The following DYRK4 variants were observed in gnomAD, a reference collection of about 807,000 sequenced individuals.
The protein encoded by DYRK4 is dual specificity tyrosine phosphorylation regulated kinase 4.
In DYRK4, 64 loss-of-function variants were observed where a neutral mutation model predicts 68.3. The observed-to-expected ratio is 0.94, with a 90% CI of 0.77 to 1.15. The LOEUF is 1.15. Ranked by LOEUF, DYRK4 falls within the 50% of genes most tolerant of loss-of-function variation. DYRK4 has a pLI of 0.00. For missense variants in DYRK4, 740 were observed against 764.7 expected, an observed-to-expected ratio of 0.97 and a Z score of 0.38; for synonymous variants, 274 against 289.9, an observed-to-expected ratio of 0.95 and a Z score of 0.56.
intron 6 of DYRK4, among the ~76,000 whole-genome samples, chr12:4,593,971 T>C (rs542324480): frequency 6.6e-6 from 1 of 152,332 alleles, no homozygotes; most frequent in African/African-American, 2.4e-5. Flanking sequence ...AAAATGCAGG[T>C]TCTTATCCAG....
intron 12 of DYRK4, among the ~76,000 whole-genome samples, chr12:4,608,426 C>T (rs911459691): frequency 1.3e-5 from 2 of 152,168 alleles, no homozygotes; most frequent in African/African-American, 4.8e-5. Flanking sequence ...TCACAACTTG[C>T]TCCATCAGTA....
Position 4,593,181 on chromosome 12 carries a change from G to A in DYRK4, c.627+16G>A, listed in dbSNP as rs879096470. 6.2e-7 allele frequency: 1 copy of A among 1,611,960 alleles called. No individual in the cohort carries two copies. Among genetic ancestry groups the A allele is most frequent in the Non-Finnish European group, 8.5e-7 (1 of 1,179,262 alleles). ...CTATCTGAAGGTGATGGGGGTGGGG[G>A]CCATGGGAACCTGCAGGGGCCCAGG... On this transcript the variant is annotated intron_variant, in intron 6 of 14. Transcript: ENST00000543431.
chr12:4,593,107 C>T lies in DYRK4; in HGVS notation c.569C>T (p.Thr190Met), dbSNP rs767760845. ...GGTCTTGAAGCCAAGAAGCTCGACACGGCTCCTGAGAAATTTAGCAAGACG... is the reference window on the plus strand; with the variant it reads ...GGTCTTGAAGCCAAGAAGCTCGACATGGCTCCTGAGAAATTTAGCAAGACG... ...FLGLEAKKLD[T>M]APEKFSKTSF... Residue 190 changes from threonine (T) to methionine (M), a missense_variant, in exon 6 of 15, where the codon ACG becomes ATG. By Grantham distance (81) the Thr-to-Met change is moderately conservative. This residue lies in a region of DYRK4 where 614 missense variants were observed against 603.7 expected (regional missense o/e 1.02). Coordinates refer to ENST00000543431, the MANE Select transcript of DYRK4 (RefSeq NM_001394779.1). 19 of 1,614,024 alleles carry T rather than the reference C, an allele frequency of 1.2e-5. No individual in the cohort carries two copies. Among genetic ancestry groups the T allele is most frequent in the South Asian group, 9.9e-5 (9 of 91,082 alleles).
rs144247380 is a variant in DYRK4, at chr12:4,565,496, G to A, written c.39-2459G>A. On this transcript the variant is annotated intron_variant, in intron 1 of 14. Transcript: ENST00000543431. ...CTCATTCAAAATCATGGCACTGTGT[G>A]TTAGGTGGCATTGTGACGAGGCTCC... Among the ~76,000 whole-genome samples the A allele has an allele frequency of 2.1e-3, 319 of 152,326 alleles. 3 individuals carry two copies. Among genetic ancestry groups the A allele is most frequent in the African/African-American group, 7.4e-3 (309 of 41,562 alleles).
chr12:4,606,508 C>T (rs1201748349), intron 11 of DYRK4, among the ~76,000 whole-genome samples: 5 of 152,234 alleles, frequency 3.3e-5, no homozygotes, highest in South Asian at 4.1e-4. Flanking sequence ...CACTGGCCTG[C>T]GAGTCATTAA....
At chr12:4,596,539 A>C in intron 7 of DYRK4, 50 bp from the exon 8 acceptor site, 1 of 1,596,168 alleles carries the variant, frequency 6.3e-7, no homozygotes, top group South Asian at 1.1e-5. Context: ...CCTGACACTG[A>C]TGTTTCTATC....
chr12:4,602,289 GC>G lies in DYRK4; in HGVS notation c.1126+2503del, dbSNP rs1945090123. 3.0e-6 allele frequency: 3 copies of G among 1,004,514 alleles called. No homozygotes were observed. In the South Asian group the frequency reaches 3.8e-5, roughly 13 times the overall value. 62.2% of individuals were successfully genotyped at this position (1,004,514 alleles called of 1,614,324 possible). ...TTTGCAACCATGCTTTAAATACTAT[GC>G]CATTCTCCCTCTTTTTTTCTTCCTC... is the stretch of plus-strand genomic sequence containing the variant. On this transcript the variant is annotated intron_variant, in intron 10 of 14. Coordinates refer to ENST00000543431, the MANE Select transcript of DYRK4 (RefSeq NM_001394779.1).
intron 6 of DYRK4, among the ~76,000 whole-genome samples, chr12:4,594,747 G>GGAC (rs1944997907): frequency 6.6e-6 from 1 of 151,722 alleles, no homozygotes; most frequent in African/African-American, 2.4e-5. Context: ...GGGAAGAAAG[G>GGAC]GACAATGTGT....
At chr12:4,607,817 C>T (rs1201680728) in intron 12 of DYRK4, among the ~76,000 whole-genome samples, 1 of 152,190 alleles carries the variant, frequency 6.6e-6, no homozygotes, top group Non-Finnish European at 1.5e-5. Flanking sequence ...ATTGTTTCCC[C>T]TGCTAAAATT....
At chr12:4,602,425 A>G (rs1565541041) in intron 10 of DYRK4, 2 of 994,806 alleles carry the variant, frequency 2.0e-6, no homozygotes, top group Non-Finnish European at 3.2e-6. Context: ...GTCACTGATG[A>G]GATATGTGCA....
At chr12:4,598,001 G>A (rs1945037927) in intron 8 of DYRK4, among the ~76,000 whole-genome samples, 1 of 152,210 alleles carries the variant, frequency 6.6e-6, no homozygotes, top group Admixed American at 6.5e-5. Context: ...GGGAGGCAGA[G>A]GTTGCAGTGA....
rs1945020830 is a variant in DYRK4, at chr12:4,596,585, T to C, written c.765-4T>C. The C allele has an allele frequency of 6.2e-7, 1 of 1,613,240 alleles. No individual in the cohort carries two copies. The highest frequency in any genetic ancestry group is 8.5e-7 in the Non-Finnish European group (1 of 1,179,814). On this transcript the variant is annotated splice_region_variant and splice_polypyrimidine_tract_variant and intron_variant, in intron 7 of 14. Coordinates refer to ENST00000543431, the MANE Select transcript of DYRK4 (RefSeq NM_001394779.1). ...ACCCTGCCGGCCACTCCCAATCACC[T>C]TAGGTTTCACCAGCAGGCCCTGATG...
Position 4,591,458 on chromosome 12 carries a change from C to A in DYRK4, c.463+160C>A. On this transcript the variant is annotated intron_variant, in intron 5 of 14. Transcript: ENST00000543431. The surrounding 1 kb of genome is among the most constrained non-coding windows in gnomAD (Gnocchi z 4.1). ...TAGAAGTTAAGCGTTGAACCTCTGA[C>A]TGTGGTAGTATAAGCAAGAGGCTGA... is the stretch of plus-strand genomic sequence containing the variant. The A allele has an allele frequency of 1.9e-6, 2 of 1,041,126 alleles. No homozygotes were observed. The highest frequency in any genetic ancestry group is 2.7e-6 in the Non-Finnish European group (2 of 738,172). 64.5% of individuals were successfully genotyped at this position (1,041,126 alleles called of 1,614,324 possible). A position where few individuals can be genotyped will look rare whatever the true frequency, so the allele number is the denominator to read the frequency against.
chr12:4,574,995 T>C (rs1944772524), intron 2 of DYRK4, among the ~76,000 whole-genome samples: 1 of 152,146 alleles, frequency 6.6e-6, no homozygotes, highest in South Asian at 2.1e-4. Flanking sequence ...GCAGGGATCA[T>C]AGGCGTGAGC....
At chr12:4,602,512 G>A (rs1945092997) in intron 10 of DYRK4, 14 of 1,303,500 alleles carry the variant, frequency 1.1e-5, no homozygotes, top group South Asian at 4.7e-5. Flanking sequence ...TCTTGCGGTT[G>A]AGTGGTGGGA....
intron 1 of DYRK4, among the ~76,000 whole-genome samples, chr12:4,564,905 T>C (rs1246864357): frequency 6.6e-6 from 1 of 152,124 alleles, no homozygotes; most frequent in Admixed American, 6.6e-5. Flanking sequence ...CCTAAGATAA[T>C]TAAATGACAC....
At chr12:4,580,811 A>G (rs74060048) in intron 2 of DYRK4, 1 of 440,504 alleles carries the variant, frequency 2.3e-6, no homozygotes, top group East Asian at 7.0e-5. Context: ...TTTTTTTTTT[A>G]AATGGGAAAC....
At chr12:4,587,321 T>C (rs925150808) in intron 2 of DYRK4, among the ~76,000 whole-genome samples, 3 of 152,078 alleles carry the variant, frequency 2.0e-5, no homozygotes, top group African/African-American at 7.2e-5. Flanking sequence ...AGACCAAGCC[T>C]CACCCATTCA....
Position 4,613,499 on chromosome 12 carries a change from C to T in DYRK4, c.1667-16C>T. 1 of 1,599,846 alleles carries T rather than the reference C, an allele frequency of 6.3e-7. No individual in the cohort carries two copies. Among genetic ancestry groups the T allele is most frequent in the Non-Finnish European group, 8.6e-7 (1 of 1,169,004 alleles). On this transcript the variant is annotated splice_polypyrimidine_tract_variant and intron_variant, in intron 14 of 14. Transcript: ENST00000543431. This position sits in a 1 kb window ranked among gnomAD's most constrained non-coding sequence, Gnocchi z 4.0. ...TTTGAATCTTGTTCCCTTCTGTCTT[C>T]TCTCTCCTTTAGCAGATGAGATCAC...
Sources: allele counts gnomAD v4.1 joint callset (sites outside exome capture counted in the v4.1 genomes callset), GRCh38; gene constraint gnomAD v4.1.1; regional missense constraint gnomAD v4.1.1; non-coding constraint Gnocchi (gnomAD v3.1); transcripts MANE v1.5; gene names NCBI Gene and HGNC (gene_info 2026-07-23, HGNC 2026-07-21).